FNDC1: variants seen among roughly 807,000 people sequenced by gnomAD.
FNDC1 encodes fibronectin type III domain containing 1, also known as fibronectin type III domain-containing protein 1.
Under a neutral mutation model 168.0 loss-of-function variants are expected in FNDC1, and 96 were observed. The ratio of observed to expected loss-of-function variants is 0.57; its 90% CI spans 0.48 to 0.68. The LOEUF (loss-of-function observed/expected upper bound fraction) is 0.68, where lower values mean the gene tolerates loss of function less well. Among genes scored for constraint, FNDC1 ranks in the 30% least tolerant of loss-of-function variants. The pLI is 0.00. For missense variants in FNDC1, 2,587 were observed against 2,482.1 expected (o/e 1.04, Z -0.90); for synonymous variants, 1,099 against 1,025.9 (o/e 1.07, Z -1.36).
intron 2 of FNDC1, among the ~76,000 whole-genome samples, chr6:159,197,866 T>A (rs1782284169): frequency 6.6e-6 from 1 of 152,254 alleles, no homozygotes; most frequent in African/African-American, 2.4e-5. Context: ...TCCAAACTGA[T>A]GCAGCAGATG....
rs79279279 is a variant in FNDC1 at position 159,176,884 on chromosome 6, A to G, written c.109+7179A>G. Among the ~76,000 whole-genome samples, 887 of 152,332 alleles carry G rather than the reference A, an allele frequency of 5.8e-3. 5 individuals are homozygous for G. The highest frequency in any genetic ancestry group is 0.01 in the Non-Finnish European group (684 of 68,030). ...TTTGTTTGGGGCCTTCTTCATGCCA[A>G]TATAGACCAAATGCCTATATTGTAT... is the stretch of plus-strand genomic sequence containing the variant. On this transcript the variant is annotated intron_variant, in intron 1 of 22. Coordinates refer to ENST00000297267, the MANE Select transcript of FNDC1 (RefSeq NM_032532.3).
At chr6:159,251,572 G>T (rs1258187022) in intron 17 of FNDC1, 40 bp downstream of exon 17, 3 of 1,544,074 alleles carry the variant, frequency 1.9e-6, no homozygotes, top group Middle Eastern at 1.7e-4. Flanking sequence ...ATGATCTGTA[G>T]GTGGGAAATG....
chr6:159,250,075 G>T (rs186272609), intron 16 of FNDC1, among the ~76,000 whole-genome samples: 7 of 152,304 alleles, frequency 4.6e-5, no homozygotes, highest in Non-Finnish European at 8.8e-5. Flanking sequence ...GTTCCATGAC[G>T]GGAATTGAAA....
chr6:159,208,561 G>A (rs1260316949), intron 4 of FNDC1, among the ~76,000 whole-genome samples: 1 of 152,200 alleles, frequency 6.6e-6, no homozygotes, highest in East Asian at 1.9e-4. Flanking sequence ...CGGCAGCCCA[G>A]CACAGCCTCA....
At chr6:159,268,728 A>ATCTATCTC (rs1777643087) in intron 22 of FNDC1, among the ~76,000 whole-genome samples, 1 of 150,136 alleles carries the variant, frequency 6.7e-6, no homozygotes, top group Non-Finnish European at 1.5e-5. Flanking sequence ...GCATCCATCT[A>ATCTATCTC]TCTATCTATC....
intron 16 of FNDC1, among the ~76,000 whole-genome samples, chr6:159,250,997 G>A (rs568359211): frequency 2.0e-5 from 3 of 152,282 alleles, no homozygotes; most frequent in Non-Finnish European, 2.9e-5. Context: ...GAATGGCAGC[G>A]AGCTGCAGGC....
chr6:159,227,630 T>C (rs1183317125), intron 9 of FNDC1, among the ~76,000 whole-genome samples: 1 of 144,468 alleles, frequency 6.9e-6, no homozygotes, highest in East Asian at 2.1e-4. Context: ...GAATAGATTG[T>C]ACTATTCTTC....
rs746548881 is a variant in FNDC1, at chr6:159,261,265, A to G, written c.5250A>G (p.Glu1750=). ...PISPSVSFVT[E]SDNPLLVVRP... ...GCCCTTCGGTCTCATTTGTCACCGA[A>G]TCAGGTATGAATGACTTCACATTCT... Residue 1750 remains glutamate (E), a synonymous_variant, in exon 19 of 23, where the codon GAA becomes GAG. Transcript: ENST00000297267. 6.2e-7 allele frequency: 1 copy of G among 1,609,212 alleles called. No homozygotes were observed. The highest frequency in any genetic ancestry group is 1.1e-5 in the South Asian group (1 of 90,796).
chr6:159,258,698 C>T (rs769929553), intron 18 of FNDC1, among the ~76,000 whole-genome samples: 3 of 152,196 alleles, frequency 2.0e-5, no homozygotes, highest in Admixed American at 6.5e-5. Flanking sequence ...CTGGTAGAGA[C>T]GCTGGCAGCT....
At chr6:159,208,887 G>A (rs949842257) in intron 4 of FNDC1, among the ~76,000 whole-genome samples, 32 of 124,840 alleles carry the variant, frequency 2.6e-4, no homozygotes, top group African/African-American at 4.5e-4. Flanking sequence ...CGCTCTTCTC[G>A]CCCAGGCTGG....
At chr6:159,191,161 C>G (rs1417504515) in intron 1 of FNDC1, among the ~76,000 whole-genome samples, 3 of 152,150 alleles carry the variant, frequency 2.0e-5, no homozygotes, top group Non-Finnish European at 4.4e-5. Context: ...GGGGATAGTG[C>G]TAAACCATTA....
intron 17 of FNDC1, among the ~76,000 whole-genome samples, chr6:159,253,897 G>A (rs545356784): frequency 1.3e-5 from 2 of 152,348 alleles, no homozygotes; most frequent in African/African-American, 2.4e-5. Context: ...CGTGGCACAC[G>A]TGTGACCTCC....
At position 159,248,141 on chromosome 6, in the gene FNDC1, C is replaced by T. The variant is rs192677699; in HGVS notation, c.4691-898C>T. Among the ~76,000 whole-genome samples the T allele has an allele frequency of 2.1e-3, 318 of 152,238 alleles. 3 individuals carry two copies. The highest frequency in any genetic ancestry group is 6.8e-4 in the Non-Finnish European group (46 of 68,016). On this transcript the variant is annotated intron_variant, in intron 15 of 22. Transcript: ENST00000297267. ...AAAACAGCAGATGTTAGAAAGCAAA[C>T]GAAGATTTTTTTAGCACCTTTGAAA...
At chr6:159,179,963 G>C (rs191145172) in intron 1 of FNDC1, among the ~76,000 whole-genome samples, 3 of 152,342 alleles carry the variant, frequency 2.0e-5, no homozygotes, top group Admixed American at 2.0e-4. Flanking sequence ...ATATGCGTTA[G>C]TGAGAGAGTT....
chr6:159,239,593 C>A lies in FNDC1; in HGVS notation c.4257C>A (p.Ala1419=). 1.9e-6 allele frequency: 3 copies of A among 1,591,374 alleles called. No homozygotes were observed. The highest frequency in any genetic ancestry group is 2.6e-6 in the Non-Finnish European group (3 of 1,168,256). Residue 1419 remains alanine, a synonymous_variant, in exon 14 of 23, where the codon GCC becomes GCA. Coordinates refer to ENST00000297267, the MANE Select transcript of FNDC1 (RefSeq NM_032532.3). The part of the protein sequence containing the change: ...FGQGRHGTPL[A]NAQDKPILSL... ...AGGGGCGACATGGCACACCTCTGGC[C>A]AATGCCCAAGATAAGCCAATTTTGA...
At chr6:159,194,941 T>C (rs1375212029) in intron 1 of FNDC1, among the ~76,000 whole-genome samples, 2 of 152,080 alleles carry the variant, frequency 1.3e-5, no homozygotes, top group Non-Finnish European at 2.9e-5. Flanking sequence ...AAAAATGACA[T>C]CAATTTTAAT....
chr6:159,206,917 C>T (rs1270657045), intron 4 of FNDC1, among the ~76,000 whole-genome samples: 1 of 152,214 alleles, frequency 6.6e-6, no homozygotes, highest in Non-Finnish European at 1.5e-5. Context: ...GCTTGGATCT[C>T]TTCATCCGGT....
Position 159,249,102 on chromosome 6 carries a change from C to G in FNDC1, c.4754C>G (p.Pro1585Arg), listed in dbSNP as rs751949006. The G allele has an allele frequency of 6.2e-7, 1 of 1,608,158 alleles. No homozygotes were observed. The highest frequency in any genetic ancestry group is 8.5e-7 in the Non-Finnish European group (1 of 1,177,240). The change falls in exon 16 of 23, where the codon CCG (proline) becomes CGG (arginine). Residue 1585 changes from proline to arginine, a missense_variant. Pro to Arg is a moderately radical substitution (Grantham distance 103). Coordinates refer to ENST00000297267, the MANE Select transcript of FNDC1 (RefSeq NM_032532.3). ...TTEPSTTATT[P>R]RVIPEEGAIS... ...GAGCCTTCGACCACTGCTACCACACCGAGGGTGATCCCAGAGGAAGGCGCC... is the reference window on the plus strand; with the variant it reads ...GAGCCTTCGACCACTGCTACCACACGGAGGGTGATCCCAGAGGAAGGCGCC...
At chr6:159,179,046 G>A (rs769081756) in intron 1 of FNDC1, among the ~76,000 whole-genome samples, 15 of 152,156 alleles carry the variant, frequency 9.9e-5, no homozygotes, top group South Asian at 2.1e-4. Context: ...CTCCCTCACC[G>A]TCTGCCATCT....
Sources: allele counts gnomAD v4.1 joint callset (sites outside exome capture counted in the v4.1 genomes callset), GRCh38; gene constraint gnomAD v4.1.1; transcripts MANE v1.5; gene names NCBI Gene and HGNC (gene_info 2026-07-23, HGNC 2026-07-21).